The following NTN1 variants were observed in gnomAD, a reference collection of about 807,000 sequenced individuals.
The protein encoded by NTN1 is netrin-1.
A neutral mutation model predicts 54.2 loss-of-function variants in NTN1; 11 were observed. The ratio of observed to expected loss-of-function variants is 0.20; its 90% CI spans 0.13 to 0.34. The LOEUF (loss-of-function observed/expected upper bound fraction) is 0.34, where lower values mean the gene tolerates loss of function less well. Among genes scored for constraint, NTN1 ranks in the 10% least tolerant of loss-of-function variants. The probability of loss-of-function intolerance (pLI) is 1.00; values close to 1 mark genes in which losing one functional copy is unlikely to be tolerated. For synonymous variants in NTN1, 371 were observed against 382.0 expected (o/e 0.97, Z 0.33); for missense variants, 740 against 893.1 (o/e 0.83, Z 2.18).
chr17:9,120,437 T>G (rs1176100809), intron 2 of NTN1, among the ~76,000 whole-genome samples: 1 of 152,182 alleles, frequency 6.6e-6, no homozygotes, highest in Non-Finnish European at 1.5e-5. Flanking sequence ...TGTCCAAGCG[T>G]GAGGGAACAT....
rs1282849831 is a variant in NTN1 at position 9,021,847 on chromosome 17, CTT to C, written c.-64+264_-64+265del. Among the ~76,000 whole-genome samples the C allele has an allele frequency of 2.6e-5, 4 of 152,162 alleles. No individual in the cohort carries two copies. In the East Asian group the frequency reaches 7.7e-4, roughly 29 times the overall value. On this transcript the variant is annotated intron_variant, in intron 1 of 6. Transcript: ENST00000173229. ...CCCCGGAGGGGCCAGGCAAACTTTTCTTTCTCTTTTGCCCCCTCCAGAGGTAA... is the reference window on the plus strand; with the variant it reads ...CCCCGGAGGGGCCAGGCAAACTTTTCTCTCTTTTGCCCCCTCCAGAGGTAA...
chr17:9,202,012 C>A (rs1286380115), intron 5 of NTN1, among the ~76,000 whole-genome samples: 1 of 119,020 alleles, frequency 8.4e-6, no homozygotes, highest in Non-Finnish European at 1.6e-5. Flanking sequence ...ATGGTGAAAC[C>A]CCGTCTCTAC....
At chr17:9,040,263 A>T (rs568667081) in intron 2 of NTN1, among the ~76,000 whole-genome samples, 3 of 152,252 alleles carry the variant, frequency 2.0e-5, no homozygotes, top group East Asian at 3.9e-4. Flanking sequence ...ACATTTATTT[A>T]TGTCTTCTTT....
chr17:9,157,097 T>C (rs1331452960), intron 2 of NTN1, among the ~76,000 whole-genome samples: 1 of 152,224 alleles, frequency 6.6e-6, no homozygotes, highest in Non-Finnish European at 1.5e-5. Context: ...GTTTGCTTTC[T>C]GTCTCTCATT....
At chr17:9,205,375 C>G (rs1904939489) in intron 5 of NTN1, among the ~76,000 whole-genome samples, 1 of 152,242 alleles carries the variant, frequency 6.6e-6, no homozygotes, top group African/African-American at 2.4e-5. Context: ...TGCCTGTAAT[C>G]CTAACACTTT....
At chr17:9,017,669 T>C (rs1267748178), upstream of NTN1, among the ~76,000 whole-genome samples, 1 of 152,212 alleles carries the variant, frequency 6.6e-6, no homozygotes, top group Non-Finnish European at 1.5e-5. Context: ...ACCTGGTGAT[T>C]TGCTTTCTCA....
chr17:9,046,514 T>C (rs918791549), intron 2 of NTN1, among the ~76,000 whole-genome samples: 6 of 152,106 alleles, frequency 3.9e-5, no homozygotes, highest in African/African-American at 1.4e-4. Flanking sequence ...AGTCCAGGCA[T>C]GGTGGCTCAT....
In NTN1 at chr17:9,221,677, G is replaced by A. The variant is rs547506801; in HGVS notation, c.1486+435G>A. 2.0e-5 allele frequency among the ~76,000 whole-genome samples: 3 copies of A among 152,320 alleles called. No homozygotes were observed. Among genetic ancestry groups the A allele is most frequent in the Non-Finnish European group, 4.4e-5 (3 of 68,018 alleles). Reference sequence around the variant, plus strand: ...CTCCCCGGTGCATTTCCAGTGTTCCGCCAGGCTGTAGCGGGGCCGGGAGTC... The same window carrying A: ...CTCCCCGGTGCATTTCCAGTGTTCCACCAGGCTGTAGCGGGGCCGGGAGTC... On this transcript the variant is annotated intron_variant, in intron 6 of 6. Transcript: ENST00000173229. The surrounding 1 kb of genome is among the most constrained non-coding windows in gnomAD (Gnocchi z 4.5).
chr17:9,242,075 C>G lies in NTN1; in HGVS notation c.*2107C>G, dbSNP rs8074624. 0.83 allele frequency: 126,286 copies of G among 152,674 alleles called. 52,982 individuals carry two copies. The highest frequency in any genetic ancestry group is 0.92 in the Non-Finnish European group (62,593 of 68,358). 9.5% of individuals were successfully genotyped at this position (152,674 alleles called of 1,614,324 possible). A position where few individuals can be genotyped will look rare whatever the true frequency, so the allele number is the denominator to read the frequency against. The stretch of plus-strand genomic sequence containing the variant: ...CTTCAGAGGAGGCAGCAAAGTGGTG[C>G]GGGATGCAGGGACGGACTTGCCAGA... On this transcript the variant is annotated 3_prime_UTR_variant, in exon 7 of 7. Coordinates refer to ENST00000173229, the MANE Select transcript of NTN1 (RefSeq NM_004822.3).
intron 6 of NTN1, among the ~76,000 whole-genome samples, chr17:9,227,187 CACGCATGCACACAT>C (rs948807511): frequency 6.6e-6 from 1 of 151,254 alleles, no homozygotes; most frequent in Admixed American, 6.6e-5. Flanking sequence ...ACATACCACA[CACGCATGCACACAT>C]ACCACATGCA....
At chr17:9,042,790 A>G (rs1282007286) in intron 2 of NTN1, among the ~76,000 whole-genome samples, 1 of 152,014 alleles carries the variant, frequency 6.6e-6, no homozygotes, top group East Asian at 1.9e-4. Flanking sequence ...CCATCTCAAA[A>G]AAAAAAAAAA....
rs376818527 is a variant in NTN1 at position 9,112,682 on chromosome 17, G to A, written c.1019-50131G>A. On this transcript the variant is annotated intron_variant, in intron 2 of 6. Transcript: ENST00000173229. ...TTACTAAAAATACAAAAAATTAGCC[G>A]GGCGTGGTGGCAGGCGCCTGTAGTC... Among the ~76,000 whole-genome samples the A allele has an allele frequency of 5.3e-4, 80 of 151,954 alleles. 2 individuals carry two copies. Among genetic ancestry groups the A allele is most frequent in the African/African-American group, 1.8e-3 (75 of 41,472 alleles).
chr17:9,105,846 G>T (rs1408939116), intron 2 of NTN1, among the ~76,000 whole-genome samples: 3 of 152,042 alleles, frequency 2.0e-5, no homozygotes, highest in Non-Finnish European at 4.4e-5. Flanking sequence ...CCTAAAGACA[G>T]AGGGAGGTGG....
intron 2 of NTN1, among the ~76,000 whole-genome samples, chr17:9,104,782 G>A (rs994052481): frequency 6.6e-6 from 1 of 152,192 alleles, no homozygotes; most frequent in Non-Finnish European, 1.5e-5. Context: ...GACTTTAGGC[G>A]GGGCGATTTG....
intron 2 of NTN1, among the ~76,000 whole-genome samples, chr17:9,087,532 G>A (rs1192020066): frequency 1.3e-5 from 2 of 152,238 alleles, no homozygotes; most frequent in Non-Finnish European, 2.9e-5. Context: ...GTCACCCAGT[G>A]GGCAGTGGAG....
At chr17:9,060,647 T>C (rs556436472) in intron 2 of NTN1, among the ~76,000 whole-genome samples, 4 of 152,196 alleles carry the variant, frequency 2.6e-5, no homozygotes, top group African/African-American at 9.6e-5. Context: ...ATAATATCTG[T>C]TTTGCCATTA....
At chr17:9,177,626 C>T (rs994028702) in intron 3 of NTN1, 1 of 152,236 alleles carries the variant, frequency 6.6e-6, no homozygotes, top group Admixed American at 6.5e-5. Context: ...TCAGGGGCTT[C>T]GAAGACAGTA....
intron 2 of NTN1, among the ~76,000 whole-genome samples, chr17:9,137,588 T>A (rs977251710): frequency 3.3e-5 from 5 of 151,812 alleles, no homozygotes; most frequent in African/African-American, 1.2e-4. Context: ...AGGTCAGGAG[T>A]TCGAGACCAG....
intron 2 of NTN1, among the ~76,000 whole-genome samples, chr17:9,076,799 G>A (rs2092051755): frequency 6.6e-6 from 1 of 152,142 alleles, no homozygotes; most frequent in South Asian, 2.1e-4. Context: ...GACTTTCCAG[G>A]GTATTTTGAC....
Sources: allele counts gnomAD v4.1 joint callset (sites outside exome capture counted in the v4.1 genomes callset), GRCh38; gene constraint gnomAD v4.1.1; non-coding constraint Gnocchi (gnomAD v3.1); transcripts MANE v1.5; gene names NCBI Gene and HGNC (gene_info 2026-07-23, HGNC 2026-07-21).